ZNF670: variants seen among roughly 807,000 people sequenced by gnomAD.
The protein encoded by ZNF670 is zinc finger protein 670.
Under a neutral mutation model 10.9 loss-of-function variants are expected in ZNF670, and 7 were observed. The observed-to-expected ratio is 0.64, with a 90% confidence interval of 0.36 to 1.20. The LOEUF is 1.20. ZNF670 is among the 50% of genes most tolerant of loss of function. The probability of loss-of-function intolerance (pLI) is 0.02; values close to 1 mark genes in which losing one functional copy is unlikely to be tolerated. For missense variants in ZNF670, 446 were observed against 458.6 expected (o/e 0.97, Z 0.25); for synonymous variants, 136 against 152.7 (o/e 0.89, Z 0.81).
intron 1 of ZNF670, among the ~76,000 whole-genome samples, chr1:247,069,872 G>A (rs887531856): frequency 4.6e-5 from 7 of 152,210 alleles, no homozygotes; most frequent in African/African-American, 1.7e-4. Flanking sequence ...TAGGGAAGAG[G>A]TGGGGATGGT....
In ZNF670 at chr1:247,037,589, T is replaced by TA; in HGVS notation, c.1029dup (p.Lys344Ter). 6.2e-7 allele frequency: 1 copy of TA among 1,614,188 alleles called. No individual in the cohort carries two copies. Among genetic ancestry groups the TA allele is most frequent in the Non-Finnish European group, 8.5e-7 (1 of 1,180,008 alleles). ...AGGGCACTGGAAGAAGTAAACGACTTACCACATTCCTTACATCCATAAGGT... is the reference window on the plus strand; with the variant it reads ...AGGGCACTGGAAGAAGTAAACGACTTAACCACATTCCTTACATCCATAAGGT... On this transcript the variant is annotated frameshift_variant, in exon 4 of 4. Transcript: ENST00000366503. LOFTEE classifies it low-confidence loss of function (END_TRUNC).
intron 1 of ZNF670, among the ~76,000 whole-genome samples, chr1:247,050,721 G>A (rs1178572612): frequency 2.0e-5 from 3 of 151,890 alleles, no homozygotes; most frequent in African/African-American, 4.8e-5. Flanking sequence ...TGATCTGCCC[G>A]CTTCGGCCTC....
In ZNF670 at chr1:247,078,803, C is replaced by T. The variant is rs955498815; in HGVS notation, c.-207G>A. ...AGCTGCTCCCTCCTTTCGCGGCGCG[C>T]TTGAGAGTACAGTCCCCTTCCCAGC... On this transcript the variant is annotated 5_prime_UTR_variant, in exon 1 of 4. Transcript: ENST00000366503. 13 of 590,178 alleles carry T rather than the reference C, an allele frequency of 2.2e-5. No individual in the cohort carries two copies. Among genetic ancestry groups the T allele is most frequent in the Non-Finnish European group, 3.9e-5 (13 of 332,740 alleles). The allele number at this position is 590,178 out of a possible 1,614,324, so 36.6% of individuals were successfully genotyped here.
At chr1:247,039,779 C>T (rs1670261576) in intron 1 of ZNF670, among the ~76,000 whole-genome samples, 1 of 152,196 alleles carries the variant, frequency 6.6e-6, no homozygotes, top group African/African-American at 2.4e-5. Flanking sequence ...TTGGCAGGTG[C>T]AGGGAATAAA....
chr1:247,058,510 AAC>A (rs1252629427), intron 1 of ZNF670, among the ~76,000 whole-genome samples: 2 of 152,192 alleles, frequency 1.3e-5, no homozygotes, highest in African/African-American at 4.8e-5. Context: ...TCAGACAAGC[AAC>A]ACTGATAGAA....
chr1:247,053,783 G>A (rs1218954483), intron 1 of ZNF670, among the ~76,000 whole-genome samples: 2 of 152,166 alleles, frequency 1.3e-5, no homozygotes, highest in African/African-American at 2.4e-5. Context: ...GGAGAGTAGA[G>A]GAAGATGGCC....
intron 1 of ZNF670, among the ~76,000 whole-genome samples, chr1:247,059,999 A>G (rs531948156): frequency 1.2e-4 from 19 of 152,334 alleles, no homozygotes; most frequent in African/African-American, 4.3e-4. Flanking sequence ...ATAAATGGAG[A>G]GATATTCCAC....
chr1:247,063,983 C>G (rs1670926368), intron 1 of ZNF670, among the ~76,000 whole-genome samples: 1 of 152,228 alleles, frequency 6.6e-6, no homozygotes. Context: ...CTGAGCTGCA[C>G]CACAGACACT....
At chr1:247,049,090 T>C (rs1366866552) in intron 1 of ZNF670, among the ~76,000 whole-genome samples, 1 of 151,118 alleles carries the variant, frequency 6.6e-6, no homozygotes, top group African/African-American at 2.4e-5. Context: ...ATACCTCCTG[T>C]TTCATTTCTT....
chr1:247,044,696 T>C (rs1309866043), intron 1 of ZNF670, among the ~76,000 whole-genome samples: 1 of 152,158 alleles, frequency 6.6e-6, no homozygotes, highest in South Asian at 2.1e-4. Context: ...AGCAAATTAA[T>C]GCATTGACAG....
chr1:247,037,710 G>A lies in ZNF670; in HGVS notation c.909C>T (p.His303=), dbSNP rs778583714. ...TACATTCATAGGGCTTTTCTCCACTGTGAGTCCTTTCATGGACTCTGAGGA... is the reference window on the plus strand; with the variant it reads ...TACATTCATAGGGCTTTTCTCCACTATGAGTCCTTTCATGGACTCTGAGGA... ...SRVLRVHERT[H]SGEKPYECKQ... Residue 303 remains histidine (H), a synonymous_variant, in exon 4 of 4, where the codon CAC becomes CAT. Coordinates refer to ENST00000366503, the MANE Select transcript of ZNF670 (RefSeq NM_033213.5). The A allele has an allele frequency of 3.7e-6, 6 of 1,613,898 alleles. No individual in the cohort carries two copies. In the South Asian group the frequency reaches 6.6e-5, roughly 18 times the overall value.
At chr1:247,039,574 TAGAC>T (rs779557138) in intron 1 of ZNF670, 37 bp from the exon 2 acceptor site, 9 of 1,519,268 alleles carry the variant, frequency 5.9e-6, no homozygotes, top group Non-Finnish European at 7.0e-6. Context: ...GAGGATGGCT[TAGAC>T]AGACAGTACT....
intron 1 of ZNF670, among the ~76,000 whole-genome samples, chr1:247,050,971 A>T (rs1296755928): frequency 6.6e-6 from 1 of 150,796 alleles, no homozygotes; most frequent in Non-Finnish European, 1.5e-5. Flanking sequence ...TGCTTTAAGG[A>T]GGTTCTATTT....
At chr1:247,044,432 T>C (rs74805744) in intron 1 of ZNF670, among the ~76,000 whole-genome samples, 1 of 152,224 alleles carries the variant, frequency 6.6e-6, no homozygotes, top group Non-Finnish European at 1.5e-5. Context: ...AACTACCTTT[T>C]GACCCAGCAA....
rs546717343 is a variant in ZNF670 at position 247,036,172 on chromosome 1, A to C, written c.*1277T>G. ...AAATCATCTCAATAGATGCAGAAAA[A>C]AACATGTCATAAGAGTTCAACACTC... On this transcript the variant is annotated 3_prime_UTR_variant, in exon 4 of 4. Transcript: ENST00000366503. 2.0e-5 allele frequency among the ~76,000 whole-genome samples: 3 copies of C among 152,342 alleles called. No individual in the cohort carries two copies. In the East Asian group the frequency reaches 5.8e-4, roughly 29 times the overall value.
chr1:247,075,385 G>A (rs1344408447), intron 1 of ZNF670, among the ~76,000 whole-genome samples: 1 of 152,150 alleles, frequency 6.6e-6, no homozygotes, highest in African/African-American at 2.4e-5. Context: ...TTGTGGAAAT[G>A]TATTCATTTT....
intron 1 of ZNF670, chr1:247,043,600 C>G (rs774216911): frequency 9.9e-6 from 6 of 605,282 alleles, no homozygotes; most frequent in African/African-American, 3.7e-5. Flanking sequence ...ATTGGGAGCA[C>G]CAGCAGATGT....
At chr1:247,043,319 G>A in intron 1 of ZNF670, 1 of 593,520 alleles carries the variant, frequency 1.7e-6, no homozygotes, top group Non-Finnish European at 3.2e-6. Context: ...TTAGAAAACT[G>A]TCTTCGGTGG....
intron 1 of ZNF670, among the ~76,000 whole-genome samples, chr1:247,056,968 A>G (rs1357258793): frequency 6.6e-6 from 1 of 152,232 alleles, no homozygotes; most frequent in African/African-American, 2.4e-5. Flanking sequence ...CCCCATGAGC[A>G]CAGGAGACCA....
Sources: allele counts gnomAD v4.1 joint callset (sites outside exome capture counted in the v4.1 genomes callset), GRCh38; gene constraint gnomAD v4.1.1; transcripts MANE v1.5; gene names NCBI Gene and HGNC (gene_info 2026-07-23, HGNC 2026-07-21).